DRD5: variants seen among roughly 807,000 people sequenced by gnomAD.
The protein encoded by DRD5 is dopamine receptor D5, also known as D(1B) dopamine receptor.
For missense variants in DRD5, 758 were observed against 657.8 expected (o/e 1.15, Z -1.67); for synonymous variants, 327 against 277.1 (o/e 1.18, Z -1.79).
rs1315518821 is a variant in DRD5, at chr4:9,781,900, G to C, written c.-130G>C. ...TCCGCAGCCCGGCGCAGCTCATGGTGAGCGCCCTCTGGGGCTCGAGGGTCC... is the reference window on the plus strand; with the variant it reads ...TCCGCAGCCCGGCGCAGCTCATGGTCAGCGCCCTCTGGGGCTCGAGGGTCC... On this transcript the variant is annotated 5_prime_UTR_variant, in exon 1 of 1. The change abolishes the stop of an existing upstream ORF in the 5' untranslated region. Coordinates refer to ENST00000304374, the MANE Select transcript of DRD5 (RefSeq NM_000798.5). The C allele has an allele frequency of 2.5e-4, 197 of 799,678 alleles. No individual in the cohort carries two copies. The East Asian group carries it at 5.9e-3, about 24-fold the overall frequency. The allele number at this position is 799,678 out of a possible 1,614,324, so 49.5% of individuals were successfully genotyped here.
rs771252628 is a variant in DRD5 at position 9,782,076 on chromosome 4, C to T, written c.47C>T (p.Ala16Val). Residue 16 changes from alanine to valine, a missense_variant, in exon 1 of 1, where the codon GCT (alanine) becomes GTT (valine). Ala to Val is a moderately conservative substitution (Grantham distance 64). Coordinates refer to ENST00000304374, the MANE Select transcript of DRD5 (RefSeq NM_000798.5). ...SNGTAYPGQFALYQQLAQGNA... is the reference protein window; with the variant it reads ...SNGTAYPGQFVLYQQLAQGNA... Reference sequence around the variant, plus strand: ...GGCACCGCGTACCCGGGGCAGTTCGCTCTATACCAGCAGCTGGCGCAGGGG... The same window carrying T: ...GGCACCGCGTACCCGGGGCAGTTCGTTCTATACCAGCAGCTGGCGCAGGGG... 3 of 1,514,844 alleles carry T rather than the reference C, an allele frequency of 2.0e-6. No individual in the cohort carries two copies. Among genetic ancestry groups the T allele is most frequent in the South Asian group, 1.3e-5 (1 of 75,668 alleles). 93.8% of individuals were successfully genotyped at this position (1,514,844 alleles called of 1,614,324 possible).
rs150176923 is a variant in DRD5, at chr4:9,782,452, C to A, written c.423C>A (p.Ala141=). 1.1e-5 allele frequency: 18 copies of A among 1,613,862 alleles called. No homozygotes were observed. The African/African-American group carries it at 2.3e-4, about 20-fold the overall frequency. Residue 141 remains alanine, a synonymous_variant, in exon 1 of 1, where the codon GCC becomes GCA. Transcript: ENST00000304374. ...TCATCAGCGTGGACCGCTACTGGGCCATCTCCAGGCCCTTCCGCTACAAGC... is the reference window on the plus strand; with the variant it reads ...TCATCAGCGTGGACCGCTACTGGGCAATCTCCAGGCCCTTCCGCTACAAGC... ...LCVISVDRYW[A]ISRPFRYKRK...
rs779431218 is a variant in DRD5 at position 9,783,460 on chromosome 4, T to C, written c.1431T>C (p.His477=). ...CACCTTTCACCCCGAATGGATTCCA[T>C]TAAACTGCATTAAGAAACCCCCTCA... ...KITPFTPNGF[H] The change falls in exon 1 of 1, where the codon CAT becomes CAC. Residue 477 remains histidine (H), a synonymous_variant. Transcript: ENST00000304374. The C allele has an allele frequency of 1.3e-6, 2 of 1,598,300 alleles. No homozygotes were observed. The highest frequency in any genetic ancestry group is 1.3e-5 in the African/African-American group (1 of 74,634).
Position 9,782,451 on chromosome 4 carries a change from C to G in DRD5, c.422C>G (p.Ala141Gly), listed in dbSNP as rs935592815. ...GTCATCAGCGTGGACCGCTACTGGG[C>G]CATCTCCAGGCCCTTCCGCTACAAG... ...LCVISVDRYW[A>G]ISRPFRYKRK... Residue 141 changes from alanine to glycine, a missense_variant, in exon 1 of 1, where the codon GCC becomes GGC. Ala to Gly is a moderately conservative substitution (Grantham distance 60). Transcript: ENST00000304374. 2.5e-5 allele frequency: 41 copies of G among 1,613,878 alleles called. No individual in the cohort carries two copies. Among genetic ancestry groups the G allele is most frequent in the Non-Finnish European group, 3.1e-5 (37 of 1,179,854 alleles).
In DRD5 at chr4:9,783,482, C is replaced by A. The variant is rs374749357; in HGVS notation, c.*19C>A. The A allele has an allele frequency of 1.5e-4, 231 of 1,578,940 alleles. No individual in the cohort carries two copies. In the South Asian group the frequency reaches 2.4e-3, roughly 16 times the overall value. ...CCATTAAACTGCATTAAGAAACCCC[C>A]TCATGGATCTGCATAACCGCACAGA... On this transcript the variant is annotated 3_prime_UTR_variant, in exon 1 of 1. Transcript: ENST00000304374.
At position 9,782,658 on chromosome 4, in the gene DRD5, C is replaced by G; in HGVS notation, c.629C>G (p.Pro210Arg). ...WTPWEEDFWE[P>R]DVNAENCDSS... ...CCCTGGGAGGAGGACTTTTGGGAGCCCGACGTGAATGCAGAGAACTGTGAC... is the reference window on the plus strand; with the variant it reads ...CCCTGGGAGGAGGACTTTTGGGAGCGCGACGTGAATGCAGAGAACTGTGAC... Residue 210 changes from proline to arginine, a missense_variant, in exon 1 of 1, where the codon CCC (proline) becomes CGC (arginine). Transcript: ENST00000304374. 2 of 1,614,008 alleles carry G rather than the reference C, an allele frequency of 1.2e-6. No individual in the cohort carries two copies. Among genetic ancestry groups the G allele is most frequent in the Non-Finnish European group, 1.7e-6 (2 of 1,179,860 alleles).
chr4:9,782,491 G>GC lies in DRD5; in HGVS notation c.463dup (p.Arg155ProfsTer64). On this transcript the variant is annotated frameshift_variant, in exon 1 of 1. Transcript: ENST00000304374. LOFTEE classifies it low-confidence loss of function (END_TRUNC). ...TCCGCTACAAGCGCAAGATGACTCA[G>GC]CGCATGGCCTTGGTCATGGTCGGCC... 1 of 1,614,012 alleles carries GC rather than the reference G, an allele frequency of 6.2e-7. No individual in the cohort carries two copies. The highest frequency in any genetic ancestry group is 8.5e-7 in the Non-Finnish European group (1 of 1,179,860).
At position 9,783,139 on chromosome 4, in the gene DRD5, C is replaced by T; in HGVS notation, c.1110C>T (p.Ala370=). 1 of 1,614,240 alleles carries T rather than the reference C, an allele frequency of 6.2e-7. No homozygotes were observed. Among genetic ancestry groups the T allele is most frequent in the Non-Finnish European group, 8.5e-7 (1 of 1,180,048 alleles). Residue 370 remains alanine (A), a synonymous_variant, in exon 1 of 1, where the codon GCC becomes GCT. Transcript: ENST00000304374. Reference sequence around the variant, plus strand: ...ACGCCGACTTTCAGAAGGTGTTTGCCCAGCTGCTGGGGTGCAGCCACTTCT... The same window carrying T: ...ACGCCGACTTTCAGAAGGTGTTTGCTCAGCTGCTGGGGTGCAGCCACTTCT... The part of the protein sequence containing the change: ...AFNADFQKVF[A]QLLGCSHFCS...
At position 9,783,132 on chromosome 4, in the gene DRD5, T is replaced by C; in HGVS notation, c.1103T>C (p.Val368Ala). Residue 368 changes from valine (V) to alanine (A), a missense_variant, in exon 1 of 1, where the codon GTG becomes GCG. Transcript: ENST00000304374. ...IYAFNADFQK[V>A]FAQLLGCSHF... ...GCCTTCAACGCCGACTTTCAGAAGG[T>C]GTTTGCCCAGCTGCTGGGGTGCAGC... 1 of 1,614,184 alleles carries C rather than the reference T, an allele frequency of 6.2e-7. No homozygotes were observed. The highest frequency in any genetic ancestry group is 8.5e-7 in the Non-Finnish European group (1 of 1,180,030).
In DRD5 at chr4:9,783,057, T is replaced by A. The variant is rs1368948829; in HGVS notation, c.1028T>A (p.Val343Asp). Residue 343 changes from valine to aspartate, a missense_variant, in exon 1 of 1, where the codon GTC becomes GAC. Val to Asp is a radical substitution (Grantham distance 152). Transcript: ENST00000304374. ...TGCGTCAGTGAGACCACCTTCGACG[T>A]CTTCGTCTGGTTCGGCTGGGCTAAC... is the stretch of plus-strand genomic sequence containing the variant. ...FPCVSETTFD[V>D]FVWFGWANSS... The A allele has an allele frequency of 2.4e-5, 38 of 1,614,074 alleles. No homozygotes were observed. Among genetic ancestry groups the A allele is most frequent in the Non-Finnish European group, 3.1e-5 (37 of 1,180,032 alleles).
Position 9,782,728 on chromosome 4 carries a change from C to T in DRD5, c.699C>T (p.Ser233=), listed in dbSNP as rs1367966143. ...ACGCCATCTCTTCCTCGCTCATCAG[C>T]TTCTACATCCCCGTTGCCATCATGA... The part of the protein sequence containing the change: ...RTYAISSSLI[S]FYIPVAIMIV... Residue 233 remains serine, a synonymous_variant, in exon 1 of 1, where the codon AGC becomes AGT. Transcript: ENST00000304374. The T allele has an allele frequency of 3.7e-6, 6 of 1,613,924 alleles. No individual in the cohort carries two copies. In the Admixed American group the frequency reaches 6.7e-5, roughly 18 times the overall value.
rs1296767794 is a variant in DRD5, at chr4:9,782,153, G to A, written c.124G>A (p.Val42Ile). ...GAPPLGPSQV[V>I]TACLLTLLII... ...ACCGCCACTGGGGCCCTCACAGGTG[G>A]TCACCGCCTGCCTGCTGACCCTACT... The change falls in exon 1 of 1, where the codon GTC becomes ATC. Residue 42 changes from valine to isoleucine, a missense_variant. Physicochemically the swap from Val to Ile is conservative, Grantham distance 29. Transcript: ENST00000304374. 1.9e-6 allele frequency: 3 copies of A among 1,580,310 alleles called. No homozygotes were observed. Among genetic ancestry groups the A allele is most frequent in the East Asian group, 2.3e-5 (1 of 44,226 alleles).
chr4:9,782,017 A>T lies in DRD5; in HGVS notation c.-13A>T, dbSNP rs1371438556. The T allele has an allele frequency of 2.1e-6, 3 of 1,450,440 alleles. No individual in the cohort carries two copies. Among genetic ancestry groups the T allele is most frequent in the Non-Finnish European group, 2.7e-6 (3 of 1,105,750 alleles). 89.8% of individuals were successfully genotyped at this position (1,450,440 alleles called of 1,614,324 possible). On this transcript the variant is annotated 5_prime_UTR_variant, in exon 1 of 1. Transcript: ENST00000304374. ...GGGACCGCGCACAGACCGCCCCTGC[A>T]GTCCAGCCCGAAATGCTGCCGCCAG...
In DRD5 at chr4:9,782,195, C is replaced by A. The variant is rs1427500829; in HGVS notation, c.166C>A (p.Leu56Met). 22 of 1,608,810 alleles carry A rather than the reference C, an allele frequency of 1.4e-5. No homozygotes were observed. The highest frequency in any genetic ancestry group is 1.7e-5 in the Non-Finnish European group (20 of 1,177,550). Reference sequence around the variant, plus strand: ...GACCCTACTCATCATCTGGACCCTGCTGGGCAACGTGCTGGTGTGCGCAGC... The same window carrying A: ...GACCCTACTCATCATCTGGACCCTGATGGGCAACGTGCTGGTGTGCGCAGC... Reference protein sequence around the residue: ...LLTLLIIWTLLGNVLVCAAIV... With the variant: ...LLTLLIIWTLMGNVLVCAAIV... Residue 56 changes from leucine to methionine, a missense_variant, in exon 1 of 1, where the codon CTG becomes ATG. Coordinates refer to ENST00000304374, the MANE Select transcript of DRD5 (RefSeq NM_000798.5).
chr4:9,783,362 C>T lies in DRD5; in HGVS notation c.1333C>T (p.Pro445Ser). Residue 445 changes from proline to serine, a missense_variant, in exon 1 of 1, where the codon CCA (proline) becomes TCA (serine). Transcript: ENST00000304374. ...CATGTTCCAGATCTATCAGACGTCCCCAGATGGTGACCCTGTTGCTGAGTC... is the reference window on the plus strand; with the variant it reads ...CATGTTCCAGATCTATCAGACGTCCTCAGATGGTGACCCTGTTGCTGAGTC... Reference protein sequence around the residue: ...DRMFQIYQTSPDGDPVAESVW... With the variant: ...DRMFQIYQTSSDGDPVAESVW... 1 of 1,614,208 alleles carries T rather than the reference C, an allele frequency of 6.2e-7. No homozygotes were observed. Among genetic ancestry groups the T allele is most frequent in the Non-Finnish European group, 8.5e-7 (1 of 1,180,048 alleles).
Position 9,783,212 on chromosome 4 carries a change from T to C in DRD5, c.1183T>C (p.Ser395Pro). The change falls in exon 1 of 1, where the codon TCC becomes CCC. Residue 395 changes from serine (S) to proline (P), a missense_variant. Transcript: ENST00000304374. The stretch of plus-strand genomic sequence containing the variant: ...GGTGAACATCAGCAATGAGCTCATC[T>C]CCTACAACCAAGACATCGTCTTCCA... ...ETVNISNELI[S>P]YNQDIVFHKE... The C allele has an allele frequency of 6.2e-7, 1 of 1,614,190 alleles. No homozygotes were observed. The highest frequency in any genetic ancestry group is 1.1e-5 in the South Asian group (1 of 91,086).
Position 9,782,647 on chromosome 4 carries a change from C to CT in DRD5, c.622dup (p.Trp208LeufsTer11). On this transcript the variant is annotated frameshift_variant, in exon 1 of 1. Transcript: ENST00000304374. LOFTEE classifies it low-confidence loss of function (END_TRUNC). ...CCAACTGGACGCCCTGGGAGGAGGA[C>CT]TTTTGGGAGCCCGACGTGAATGCAG... 6.2e-7 allele frequency: 1 copy of CT among 1,614,040 alleles called. No individual in the cohort carries two copies.
In DRD5 at chr4:9,782,103, A is replaced by G. The variant is rs748208599; in HGVS notation, c.74A>G (p.Asn25Ser). 1 of 1,535,922 alleles carries G rather than the reference A, an allele frequency of 6.5e-7. No individual in the cohort carries two copies. The highest frequency in any genetic ancestry group is 8.8e-7 in the Non-Finnish European group (1 of 1,142,230). Residue 25 changes from asparagine (N) to serine (S), a missense_variant, in exon 1 of 1, where the codon AAC becomes AGC. Asn to Ser is a conservative substitution (Grantham distance 46). Transcript: ENST00000304374. Reference sequence around the variant, plus strand: ...CTATACCAGCAGCTGGCGCAGGGGAACGCCGTGGGGGGCTCGGCGGGGGCA... The same window carrying G: ...CTATACCAGCAGCTGGCGCAGGGGAGCGCCGTGGGGGGCTCGGCGGGGGCA... ...FALYQQLAQGNAVGGSAGAPP... is the reference protein window; with the variant it reads ...FALYQQLAQGSAVGGSAGAPP...
Position 9,783,899 on chromosome 4 carries a change from G to T in DRD5, c.*436G>T. ...AGCTTTCCTGGGTCTGGATTCCCGT[G>T]GCTTTGTGCTTATGTCATTTCTTCT... On this transcript the variant is annotated 3_prime_UTR_variant, in exon 1 of 1. Coordinates refer to ENST00000304374, the MANE Select transcript of DRD5 (RefSeq NM_000798.5). The T allele has an allele frequency of 5.7e-6, 1 of 176,868 alleles. No individual in the cohort carries two copies. The highest frequency in any genetic ancestry group is 1.3e-5 in the Non-Finnish European group (1 of 74,134). 11.0% of individuals were successfully genotyped at this position (176,868 alleles called of 1,614,324 possible).
Sources: gnomAD v4.1 joint callset for allele counts on GRCh38, gnomAD v4.1.1 for gene constraint, MANE v1.5 for transcripts, NCBI Gene and HGNC (gene_info 2026-07-23, HGNC 2026-07-21) for gene names.